CYP3A5: variants seen among roughly 807,000 people sequenced by gnomAD.
The protein encoded by CYP3A5 is cytochrome P450 family 3 subfamily A member 5.
Under a neutral mutation model 55.9 loss-of-function variants are expected in CYP3A5, and 51 were observed. That is an observed-to-expected ratio of 0.91 (90% CI 0.73 to 1.15). The LOEUF (loss-of-function observed/expected upper bound fraction) is 1.15, where lower values mean the gene tolerates loss of function less well. Ranked by LOEUF, CYP3A5 falls within the 50% of genes most tolerant of loss-of-function variation. CYP3A5 has a pLI of 0.00. For synonymous variants in CYP3A5, 196 were observed against 213.9 expected, an observed-to-expected ratio of 0.92 and a Z score of 0.73; for missense variants, 533 against 596.6, an observed-to-expected ratio of 0.89 and a Z score of 1.11.
chr7:99,672,992 T>C (rs1172543834), intron 3 of CYP3A5: 1 of 700,386 alleles, frequency 1.4e-6, no homozygotes, highest in Non-Finnish European at 1.9e-6. Flanking sequence ...GGGTGGTACA[T>C]ACGTGGGTAT....
intron 10 of CYP3A5, chr7:99,660,196 C>T: frequency 1.0e-6 from 1 of 994,788 alleles, no homozygotes; most frequent in Non-Finnish European, 1.2e-6. Context: ...CCTGTTTGGC[C>T]ATCTTCTCGC....
intron 10 of CYP3A5, among the ~76,000 whole-genome samples, chr7:99,654,603 G>C (rs1441171814): frequency 1.3e-5 from 2 of 152,186 alleles, no homozygotes; most frequent in Non-Finnish European, 2.9e-5. Context: ...ACCCAGTAAT[G>C]GGATGGCTGG....
chr7:99,679,672 GATA>G (rs1287952825), intron 1 of CYP3A5, among the ~76,000 whole-genome samples, 151 bp downstream of exon 1: 17 of 152,336 alleles, frequency 1.1e-4, no homozygotes, highest in East Asian at 5.8e-4. Flanking sequence ...ATCTGCATAA[GATA>G]ATAATAACTT....
intron 3 of CYP3A5, among the ~76,000 whole-genome samples, chr7:99,673,938 C>T (rs1351167416): frequency 6.6e-6 from 1 of 152,228 alleles, no homozygotes; most frequent in Non-Finnish European, 1.5e-5. Context: ...CCTGGTGACA[C>T]ATGGGATCCT....
At position 99,650,135 on chromosome 7, in the gene CYP3A5, T is replaced by C. The variant is rs1809027166; in HGVS notation, c.1351A>G (p.Met451Val). 6.2e-7 allele frequency: 1 copy of C among 1,614,176 alleles called. No individual in the cohort carries two copies. The highest frequency in any genetic ancestry group is 8.5e-7 in the Non-Finnish European group (1 of 1,180,008). ...AGGACTCTGATTAGAGCAAGTTTCA[T>C]GTTCATGAGAGCAAACCTCATGCCA... is the stretch of plus-strand genomic sequence containing the variant. ...CIGMRFALMN[M>V]KLALIRVLQN... Residue 451 changes from methionine to valine, a missense_variant, in exon 12 of 13, where the codon ATG (methionine) becomes GTG (valine). Coordinates refer to ENST00000222982, the MANE Select transcript of CYP3A5 (RefSeq NM_000777.5).
chr7:99,653,479 A>AAATAAATG lies in CYP3A5; in HGVS notation c.1027-701_1027-700insCATTTATT, dbSNP rs1254182571. On this transcript the variant is annotated intron_variant, in intron 10 of 12. Coordinates refer to ENST00000222982, the MANE Select transcript of CYP3A5 (RefSeq NM_000777.5). The surrounding 1 kb of genome is among the most constrained non-coding windows in gnomAD (Gnocchi z 4.2). ...TAAATAAATAAATAAATAAATAAAT[A>AAATAAATG]AATAAATTTGTGGATAAACTTGTTC... Among the ~76,000 whole-genome samples the AAATAAATG allele has an allele frequency of 2.0e-5, 3 of 151,796 alleles. No homozygotes were observed. In the East Asian group the frequency reaches 5.8e-4, roughly 29 times the overall value.
chr7:99,661,551 G>A (rs1584435289), intron 9 of CYP3A5, among the ~76,000 whole-genome samples: 1 of 152,328 alleles, frequency 6.6e-6, no homozygotes, highest in East Asian at 1.9e-4. Context: ...TCTCCTGAGA[G>A]AAGCTCACGA....
intron 8 of CYP3A5, 120 bp downstream of exon 8, chr7:99,663,848 G>A (rs760287718): frequency 2.1e-6 from 3 of 1,404,246 alleles, no homozygotes; most frequent in Non-Finnish European, 2.8e-6. Context: ...GGCTTCTCTT[G>A]TTCTAAACAT....
At chr7:99,669,503 ATT>A (rs1189095580) in intron 4 of CYP3A5, among the ~76,000 whole-genome samples, 1 of 152,230 alleles carries the variant, frequency 6.6e-6, no homozygotes, top group Non-Finnish European at 1.5e-5. Flanking sequence ...TGTGGTAGAT[ATT>A]ATTTGCCTTG....
chr7:99,663,956 A>G lies in CYP3A5; in HGVS notation c.798+12T>C, dbSNP rs1325535966. 1.9e-6 allele frequency: 3 copies of G among 1,576,912 alleles called. No individual in the cohort carries two copies. Among genetic ancestry groups the G allele is most frequent in the African/African-American group, 1.4e-5 (1 of 72,390 alleles). The stretch of plus-strand genomic sequence containing the variant: ...ACCTAAACATCGTCATTTAACCACC[A>G]TCAGATTTTACCTTTTGTTTGTCGT... On this transcript the variant is annotated intron_variant, in intron 8 of 12. Transcript: ENST00000222982.
intron 12 of CYP3A5, among the ~76,000 whole-genome samples, chr7:99,649,584 A>G (rs1808966772): frequency 6.6e-6 from 1 of 152,194 alleles, no homozygotes; most frequent in African/African-American, 2.4e-5. Context: ...CGACAGCATG[A>G]CAGAACCTAG....
intron 10 of CYP3A5, among the ~76,000 whole-genome samples, chr7:99,656,418 C>G (rs1250329311): frequency 6.6e-6 from 1 of 152,096 alleles, no homozygotes; most frequent in African/African-American, 2.4e-5. Context: ...GCCTTGCATC[C>G]CAGGGATGAA....
intron 4 of CYP3A5, chr7:99,671,941 G>A: frequency 1.5e-6 from 1 of 682,634 alleles, no homozygotes; most frequent in Admixed American, 2.1e-5. Flanking sequence ...ACAAGGGCAT[G>A]TAAAACTGGT....
In CYP3A5 at chr7:99,672,623, G is replaced by A; in HGVS notation, c.275C>T (p.Thr92Ile). ...AGAATAACATTCTTTCACTAGCACT[G>A]TTCTGATCACGTCGGGATCTGTGAT... ...LAITDPDVIR[T>I]VLVKECYSVF... The change falls in exon 4 of 13, where the codon ACA becomes ATA. Residue 92 changes from threonine to isoleucine, a missense_variant. Physicochemically the swap from Thr to Ile is moderately conservative, Grantham distance 89 (BLOSUM62 -1). Transcript: ENST00000222982. 1 of 1,614,084 alleles carries A rather than the reference G, an allele frequency of 6.2e-7. No individual in the cohort carries two copies. Among genetic ancestry groups the A allele is most frequent in the Non-Finnish European group, 8.5e-7 (1 of 1,179,974 alleles).
At chr7:99,659,998 A>AC (rs1810246913) in intron 10 of CYP3A5, 1 of 159,612 alleles carries the variant, frequency 6.3e-6, no homozygotes, top group Non-Finnish European at 1.3e-5. Flanking sequence ...GAATTCCCTG[A>AC]CCCCTTGCAC....
intron 4 of CYP3A5, among the ~76,000 whole-genome samples, chr7:99,667,823 A>T (rs934502953): frequency 5.9e-5 from 9 of 152,238 alleles, no homozygotes; most frequent in African/African-American, 1.9e-4. Flanking sequence ...TAAAAAAATC[A>T]TTCAGTTAAA....
rs1335312029 is a variant in CYP3A5, at chr7:99,665,245, G to C, written c.591C>G (p.Asn197Lys). ...TCTCCACAAAGGGGTCTTGTGGATT[G>C]TTGAGAGAGTCGATGTTCACTCCAA... is the stretch of plus-strand genomic sequence containing the variant. ...TSFGVNIDSL[N>K]NPQDPFVEST... is the part of the protein sequence containing the mutation. The change falls in exon 7 of 13, where the codon AAC becomes AAG. Residue 197 changes from asparagine to lysine, a missense_variant. Physicochemically the swap from Asn to Lys is moderately conservative, Grantham distance 94 (BLOSUM62 0). Transcript: ENST00000222982. 6.2e-7 allele frequency: 1 copy of C among 1,614,192 alleles called. No individual in the cohort carries two copies. The highest frequency in any genetic ancestry group is 1.7e-5 in the Admixed American group (1 of 60,030).
intron 1 of CYP3A5, chr7:99,676,502 G>T (rs766951086): frequency 3.6e-6 from 5 of 1,388,190 alleles, no homozygotes; most frequent in Non-Finnish European, 4.8e-6. Context: ...GTTCAGGCAG[G>T]AATTCTTCCA....
Position 99,665,282 on chromosome 7 carries a change from G to A in CYP3A5, c.554C>T (p.Thr185Ile), listed in dbSNP as rs770303746. Residue 185 changes from threonine to isoleucine, a missense_variant, in exon 7 of 13, where the codon ACT (threonine) becomes ATT (isoleucine). By Grantham distance (89) the Thr-to-Ile change is moderately conservative. Transcript: ENST00000222982. ...GATGTTCACTCCAAATGATGTGCCA[G>A]TAATCACATCCATGCTGTAGGCCCC... ...IFGAYSMDVI[T>I]GTSFGVNIDS... 2.5e-6 allele frequency: 4 copies of A among 1,614,142 alleles called. No homozygotes were observed. Among genetic ancestry groups the A allele is most frequent in the South Asian group, 2.2e-5 (2 of 91,082 alleles).
Sources: allele counts gnomAD v4.1 joint callset (sites outside exome capture counted in the v4.1 genomes callset), GRCh38; gene constraint gnomAD v4.1.1; non-coding constraint Gnocchi (gnomAD v3.1); transcripts MANE v1.5; gene names NCBI Gene and HGNC (gene_info 2026-07-23, HGNC 2026-07-21).